PRKG1: variants seen among roughly 807,000 people sequenced by gnomAD.
PRKG1 encodes the protein protein kinase cGMP-dependent 1.
A neutral mutation model predicts 88.1 loss-of-function variants in PRKG1; 35 were observed. That is an observed-to-expected ratio of 0.40 (90% confidence interval 0.30 to 0.53). The LOEUF is 0.53. Ranked by LOEUF, PRKG1 falls within the 20% of genes least tolerant of loss-of-function variation. The pLI is 0.59. For missense variants in PRKG1, 540 were observed against 839.8 expected (o/e 0.64, Z 4.41); for synonymous variants, 303 against 292.5 (o/e 1.04, Z -0.37).
intron 3 of PRKG1, among the ~76,000 whole-genome samples, chr10:51,688,213 G>A (rs1399090301): frequency 6.6e-6 from 1 of 151,954 alleles, no homozygotes; most frequent in African/African-American, 2.4e-5. Flanking sequence ...TTATTAATAT[G>A]CAGGCTTTGA....
chr10:51,822,536 A>C (rs1470724545), intron 4 of PRKG1, among the ~76,000 whole-genome samples: 1 of 152,118 alleles, frequency 6.6e-6, no homozygotes, highest in Non-Finnish European at 1.5e-5. Flanking sequence ...TGTCTTGTGC[A>C]ATTTTTGTAA....
intron 3 of PRKG1, among the ~76,000 whole-genome samples, chr10:51,594,260 AC>A (rs1838385103): frequency 6.6e-6 from 1 of 152,082 alleles, no homozygotes; most frequent in African/African-American, 2.4e-5. Flanking sequence ...ACTCCTGGCC[AC>A]AATTCATCTT....
chr10:51,337,465 T>C (rs1015433096), intron 2 of PRKG1, among the ~76,000 whole-genome samples: 6 of 152,154 alleles, frequency 3.9e-5, no homozygotes, highest in African/African-American at 1.2e-4. Flanking sequence ...ATCATCATTA[T>C]GAACAGGCAA....
intron 3 of PRKG1, among the ~76,000 whole-genome samples, chr10:51,534,984 C>T (rs139991898): frequency 1.1e-4 from 16 of 152,006 alleles, no homozygotes; most frequent in Non-Finnish European, 1.5e-4. Flanking sequence ...TGGTTTTTGT[C>T]AATATTTTAA....
At chr10:51,679,353 G>C (rs1330352414) in intron 3 of PRKG1, among the ~76,000 whole-genome samples, 1 of 151,572 alleles carries the variant, frequency 6.6e-6, no homozygotes, top group Non-Finnish European at 1.5e-5. Context: ...GTTATTGATG[G>C]CTGGAGTTGC....
chr10:51,329,179 A>G (rs1841667733), intron 2 of PRKG1, among the ~76,000 whole-genome samples: 1 of 152,054 alleles, frequency 6.6e-6, no homozygotes. Flanking sequence ...GTTTTCTTCT[A>G]ATAGTTTTAT....
At position 51,833,016 on chromosome 10, in the gene PRKG1, T is replaced by C. The variant is rs118141615; in HGVS notation, c.698+28326T>C. Among the ~76,000 whole-genome samples the C allele has an allele frequency of 2.6e-4, 39 of 152,218 alleles. 1 individual carries two copies. In the East Asian group the frequency reaches 5.2e-3, roughly 20 times the overall value. ...GGGTTCACAATTGAAAATAGAAATC[T>C]AGGGAGGTTTTAAGCAGTGTTTCTA... is the stretch of plus-strand genomic sequence containing the variant. On this transcript the variant is annotated intron_variant, in intron 4 of 17. Transcript: ENST00000373980.
chr10:52,063,787 G>C (rs780853171), intron 7 of PRKG1, among the ~76,000 whole-genome samples: 1 of 151,934 alleles, frequency 6.6e-6, no homozygotes, highest in Non-Finnish European at 1.5e-5. Context: ...GTGTTCAGTT[G>C]TCAACAGAGA....
At chr10:51,523,446 A>T (rs942651015) in intron 3 of PRKG1, among the ~76,000 whole-genome samples, 57 of 152,212 alleles carry the variant, frequency 3.7e-4, no homozygotes, top group Non-Finnish European at 7.6e-4. Context: ...TAAGTTGTTG[A>T]CAAAGTCTAC....
At chr10:51,549,111 T>C (rs1221410188) in intron 3 of PRKG1, among the ~76,000 whole-genome samples, 5 of 122,778 alleles carry the variant, frequency 4.1e-5, no homozygotes, top group African/African-American at 1.6e-4. Context: ...CCTTTCTTTC[T>C]TTTCTTTTCT....
intron 3 of PRKG1, among the ~76,000 whole-genome samples, chr10:51,741,638 C>A (rs560148089): frequency 8.4e-4 from 128 of 152,030 alleles, no homozygotes; most frequent in Middle Eastern, 3.4e-3. Flanking sequence ...AATTTAGTAC[C>A]AAAATGAATG....
chr10:51,633,602 T>G (rs1311566762), intron 3 of PRKG1, among the ~76,000 whole-genome samples: 1 of 152,134 alleles, frequency 6.6e-6, no homozygotes, highest in African/African-American at 2.4e-5. Flanking sequence ...GCATCTTCAT[T>G]ATGGGGATAG....
intron 3 of PRKG1, among the ~76,000 whole-genome samples, chr10:51,552,250 C>CA (rs1377289242): frequency 2.0e-5 from 3 of 151,654 alleles, no homozygotes; most frequent in Non-Finnish European, 4.4e-5. Context: ...AAATTTCCCT[C>CA]AAAAATTATA....
At chr10:51,903,194 A>G (rs1842017348) in intron 4 of PRKG1, among the ~76,000 whole-genome samples, 1 of 152,180 alleles carries the variant, frequency 6.6e-6, no homozygotes, top group Non-Finnish European at 1.5e-5. Context: ...GTTGTCGTAA[A>G]ATGAGAGACT....
chr10:51,993,606 C>A (rs1844365288), intron 5 of PRKG1, among the ~76,000 whole-genome samples: 1 of 152,126 alleles, frequency 6.6e-6, no homozygotes, highest in Non-Finnish European at 1.5e-5. Context: ...CTCACTGGGT[C>A]ATACTGAGGA....
chr10:51,678,140 A>C (rs935543678), intron 3 of PRKG1, among the ~76,000 whole-genome samples: 2 of 152,136 alleles, frequency 1.3e-5, no homozygotes, highest in African/African-American at 4.8e-5. Flanking sequence ...GCATTATCTC[A>C]AAGTTTAGCT....
intron 5 of PRKG1, among the ~76,000 whole-genome samples, chr10:51,954,233 G>A (rs547647056): frequency 1.3e-5 from 2 of 152,120 alleles, no homozygotes; most frequent in Admixed American, 6.5e-5. Flanking sequence ...GAAAATAATA[G>A]GCTCAATTTT....
chr10:52,014,397 C>T (rs79375783), intron 5 of PRKG1, among the ~76,000 whole-genome samples: 1 of 152,050 alleles, frequency 6.6e-6, no homozygotes, highest in Non-Finnish European at 1.5e-5. Flanking sequence ...ATGCACTATC[C>T]CTATCATGAT....
chr10:52,177,426 A>G (rs1838895767), intron 9 of PRKG1, among the ~76,000 whole-genome samples: 1 of 151,976 alleles, frequency 6.6e-6, no homozygotes, highest in Admixed American at 6.6e-5. Flanking sequence ...GAAGATGTTT[A>G]TGTCTATGTT....
Sources: gnomAD v4.1 joint callset for allele counts (sites outside exome capture counted in the v4.1 genomes callset) on GRCh38, gnomAD v4.1.1 for gene constraint, MANE v1.5 for transcripts, NCBI Gene and HGNC (gene_info 2026-07-23, HGNC 2026-07-21) for gene names.